Variants in CTNNA3 observed in about 807,000 individuals in gnomAD.
CTNNA3 encodes catenin alpha-3.
In CTNNA3, 76 loss-of-function variants were observed where a neutral mutation model predicts 95.7. That is an observed-to-expected ratio of 0.79 (90% CI 0.66 to 0.96). The LOEUF (loss-of-function observed/expected upper bound fraction) is 0.96. CTNNA3 is among the 40% of genes least tolerant of loss of function. CTNNA3 has a pLI of 0.00. For synonymous variants in CTNNA3, 431 were observed against 374.4 expected (o/e 1.15, Z -1.74); for missense variants, 1,191 against 1,089.8 (o/e 1.09, Z -1.31).
chr10:66,428,407 T>C (rs910173965), intron 11 of CTNNA3, among the ~76,000 whole-genome samples: 9 of 152,266 alleles, frequency 5.9e-5, no homozygotes, highest in Middle Eastern at 6.8e-3. Flanking sequence ...GCAGACCTAA[T>C]AGACATCTAT....
chr10:65,943,448 T>TAA (rs2077460605), intron 17 of CTNNA3, among the ~76,000 whole-genome samples: 1 of 152,198 alleles, frequency 6.6e-6, no homozygotes, highest in South Asian at 2.1e-4. Context: ...TAGGATTCTC[T>TAA]AAAAGAAGTA....
intron 11 of CTNNA3, among the ~76,000 whole-genome samples, chr10:66,455,212 T>C (rs12777566): frequency 0.42 from 63,622 of 151,844 alleles, 14,539 homozygotes; most frequent in East Asian, 0.6. Flanking sequence ...AAGGCAAGGA[T>C]GTTCACTCTA....
At chr10:66,239,722 T>C (rs2090018139) in intron 13 of CTNNA3, among the ~76,000 whole-genome samples, 1 of 151,996 alleles carries the variant, frequency 6.6e-6, no homozygotes, top group South Asian at 2.1e-4. Context: ...TGGTTTGTTG[T>C]TTTTTTCGTA....
chr10:67,509,030 C>A (rs1036144001), intron 5 of CTNNA3, among the ~76,000 whole-genome samples: 1 of 151,976 alleles, frequency 6.6e-6, no homozygotes, highest in Non-Finnish European at 1.5e-5. Context: ...GCACCTGCCA[C>A]CACGCCTGCT....
chr10:66,565,473 G>A lies in CTNNA3; in HGVS notation c.1375-44700C>T, dbSNP rs185364571. On this transcript the variant is annotated intron_variant, in intron 10 of 17. Transcript: ENST00000433211. Reference sequence around the variant, plus strand: ...GGGAAGCTGCACTTAGAAGTAATACGTGAGACGGATCTTAATTAATATTCC... The same window carrying A: ...GGGAAGCTGCACTTAGAAGTAATACATGAGACGGATCTTAATTAATATTCC... 2.6e-5 allele frequency among the ~76,000 whole-genome samples: 4 copies of A among 152,276 alleles called. No individual in the cohort carries two copies. In the East Asian group the frequency reaches 5.8e-4, roughly 22 times the overall value.
At chr10:67,083,633 A>G (rs868602766) in intron 7 of CTNNA3, among the ~76,000 whole-genome samples, 2 of 152,196 alleles carry the variant, frequency 1.3e-5, no homozygotes, top group Middle Eastern at 3.2e-3. Context: ...CAGTTTCACA[A>G]TAAGAACTTG....
At chr10:66,844,170 T>C (rs1321809863) in intron 7 of CTNNA3, among the ~76,000 whole-genome samples, 1 of 152,222 alleles carries the variant, frequency 6.6e-6, no homozygotes, top group African/African-American at 2.4e-5. Flanking sequence ...ACCCTTAGAT[T>C]GCACTGTTTA....
intron 9 of CTNNA3, among the ~76,000 whole-genome samples, chr10:66,746,953 T>C (rs894711197): frequency 2.0e-5 from 3 of 152,224 alleles, no homozygotes; most frequent in African/African-American, 4.8e-5. Context: ...GTAGGGATTA[T>C]TCATGGCATA....
chr10:66,247,123 T>A (rs4746563), intron 13 of CTNNA3, among the ~76,000 whole-genome samples: 149,017 of 151,192 alleles, frequency 0.99, 73,457 homozygotes, highest in East Asian at 1. Flanking sequence ...AGGAGATAAA[T>A]GAAAAAAATG....
At chr10:66,415,780 T>C (rs1329938503) in intron 11 of CTNNA3, among the ~76,000 whole-genome samples, 2 of 152,194 alleles carry the variant, frequency 1.3e-5, no homozygotes, top group African/African-American at 2.4e-5. Flanking sequence ...CACTAATTCA[T>C]GTACCTAGAA....
At chr10:66,011,514 C>A (rs1383734463) in intron 15 of CTNNA3, among the ~76,000 whole-genome samples, 1 of 152,002 alleles carries the variant, frequency 6.6e-6, no homozygotes, top group Non-Finnish European at 1.5e-5. Flanking sequence ...AAACAAATTT[C>A]CCACATATAT....
chr10:67,559,158 G>A (rs1400230517), intron 3 of CTNNA3, among the ~76,000 whole-genome samples: 1 of 152,224 alleles, frequency 6.6e-6, no homozygotes, highest in African/African-American at 2.4e-5. Flanking sequence ...CACGCAGCTG[G>A]AGATCTGAGA....
intron 10 of CTNNA3, among the ~76,000 whole-genome samples, chr10:66,563,675 C>T (rs137859320): frequency 6.6e-6 from 1 of 152,018 alleles, no homozygotes; most frequent in Non-Finnish European, 1.5e-5. Flanking sequence ...ACATACCCCC[C>T]TCACAATTTG....
chr10:66,875,175 G>A (rs1363210436), intron 7 of CTNNA3, among the ~76,000 whole-genome samples: 1 of 152,108 alleles, frequency 6.6e-6, no homozygotes, highest in East Asian at 1.9e-4. Flanking sequence ...GTCCAGTGGT[G>A]GGAAGAAAGA....
intron 5 of CTNNA3, among the ~76,000 whole-genome samples, chr10:67,355,154 T>C (rs1006904763): frequency 6.6e-6 from 1 of 151,992 alleles, no homozygotes; most frequent in African/African-American, 2.4e-5. Flanking sequence ...GAGAAGAAAA[T>C]ATCAGAACTT....
intron 6 of CTNNA3, among the ~76,000 whole-genome samples, chr10:67,207,020 A>C (rs1314094371): frequency 6.6e-6 from 1 of 152,078 alleles, no homozygotes; most frequent in Non-Finnish European, 1.5e-5. Flanking sequence ...AATACCAGCT[A>C]CTCAGGAGGA....
At chr10:66,091,834 G>A (rs1478051461) in intron 14 of CTNNA3, among the ~76,000 whole-genome samples, 3 of 150,962 alleles carry the variant, frequency 2.0e-5, no homozygotes, top group East Asian at 1.9e-4. Flanking sequence ...AATTCCTTGA[G>A]GAAAAAAAAA....
chr10:66,780,665 A>T (rs1840497464), intron 7 of CTNNA3, among the ~76,000 whole-genome samples: 1 of 152,230 alleles, frequency 6.6e-6, no homozygotes, highest in Non-Finnish European at 1.5e-5. Context: ...TGTCTTTCTC[A>T]CTAGATGGTA....
chr10:66,333,392 T>A (rs1372672616), intron 12 of CTNNA3, among the ~76,000 whole-genome samples: 4 of 152,104 alleles, frequency 2.6e-5, no homozygotes, highest in Admixed American at 6.5e-5. Flanking sequence ...CTCTACACAC[T>A]TCTTTGAATG....
Sources: gnomAD v4.1 joint callset for allele counts (sites outside exome capture counted in the v4.1 genomes callset) on GRCh38, gnomAD v4.1.1 for gene constraint, MANE v1.5 for transcripts, NCBI Gene and HGNC (gene_info 2026-07-23, HGNC 2026-07-21) for gene names.